Variants in GPC3 observed in about 807,000 individuals in gnomAD.
GPC3 encodes the protein glypican-3.
Under a neutral mutation model 34.4 loss-of-function variants are expected in GPC3, and 3 were observed. The ratio of observed to expected loss-of-function variants is 0.09; its 90% CI spans 0.04 to 0.23. The LOEUF (loss-of-function observed/expected upper bound fraction) is 0.23, where lower values mean the gene tolerates loss of function less well. Among genes scored for constraint, GPC3 ranks in the 10% least tolerant of loss-of-function variants. The pLI is 1.00. For missense variants in GPC3, 351 were observed against 445.6 expected, an observed-to-expected ratio of 0.79 and a Z score of 1.91; for synonymous variants, 177 against 174.0, an observed-to-expected ratio of 1.02 and a Z score of -0.13.
intron 3 of GPC3, among the ~76,000 whole-genome samples, chrX:133,730,046 C>T (rs1457549163): frequency 4.5e-5 from 5 of 111,866 alleles, no homozygotes; most frequent in Non-Finnish European, 9.4e-5. Context: ...CTCTGATTTC[C>T]ATTATAAAGA....
Position 133,748,351 on chromosome X carries a change from G to A in GPC3, c.1032+5131C>T, listed in dbSNP as rs375951182. On this transcript the variant is annotated intron_variant, in intron 3 of 7. Transcript: ENST00000370818. ...TTGCAGTTGCTTTAAGGTATAAGAT[G>A]TGGAATTCAATAATGCACTGATAAA... Among the ~76,000 whole-genome samples the A allele has an allele frequency of 1.9e-4, 21 of 112,199 alleles. 1 individual carries two copies. Among genetic ancestry groups the A allele is most frequent in the African/African-American group, 6.1e-4 (19 of 30,923 alleles).
Position 133,693,495 on chromosome X carries a change from A to T in GPC3, c.1167-1001T>A, listed in dbSNP as rs1029506050. On this transcript the variant is annotated intron_variant, in intron 4 of 7. Transcript: ENST00000370818. Reference sequence around the variant, plus strand: ...AAAATTAAAGCATCCTTCACATCCAAATGTACCTTATGTCTATACTAAGTT... The same window carrying T: ...AAAATTAAAGCATCCTTCACATCCATATGTACCTTATGTCTATACTAAGTT... Among the ~76,000 whole-genome samples the T allele has an allele frequency of 3.6e-5, 4 of 111,785 alleles. No individual in the cohort carries two copies. In the East Asian group the frequency reaches 8.4e-4, roughly 24 times the overall value.
chrX:133,867,790 G>A (rs1372027448), intron 2 of GPC3, among the ~76,000 whole-genome samples: 1 of 106,694 alleles, frequency 9.4e-6, no homozygotes, highest in Non-Finnish European at 1.9e-5. Flanking sequence ...AGCAGACGAG[G>A]AGATGAGCTG....
intron 2 of GPC3, among the ~76,000 whole-genome samples, chrX:133,903,994 G>A (rs2076157295): frequency 8.9e-6 from 1 of 112,081 alleles, no homozygotes; most frequent in African/African-American, 3.2e-5. Context: ...CTTCATCCAG[G>A]TAGTTGCTGA....
chrX:133,570,981 C>T (rs1039429995), intron 7 of GPC3, among the ~76,000 whole-genome samples: 1 of 111,589 alleles, frequency 9.0e-6, no homozygotes, highest in African/African-American at 3.3e-5. Context: ...TATTATCGCA[C>T]AGCTTTATAA....
At chrX:133,915,761 A>G (rs1363565203) in intron 2 of GPC3, among the ~76,000 whole-genome samples, 10 of 112,203 alleles carry the variant, frequency 8.9e-5, no homozygotes, top group Non-Finnish European at 1.9e-4. Context: ...TGAAATGCAT[A>G]TTCTGAACAT....
chrX:133,933,864 TTTTG>T (rs2076309820), intron 2 of GPC3, among the ~76,000 whole-genome samples: 2 of 107,695 alleles, frequency 1.9e-5, no homozygotes, highest in South Asian at 4.1e-4. Flanking sequence ...TTCTTTTTTT[TTTTG>T]TTTTTTTTTT....
chrX:133,655,295 T>G, intron 6 of GPC3, among the ~76,000 whole-genome samples: 2 of 111,735 alleles, frequency 1.8e-5, no homozygotes, highest in Middle Eastern at 4.6e-3. Flanking sequence ...AGAAGATTTT[T>G]TAATGATAAA....
intron 2 of GPC3, among the ~76,000 whole-genome samples, chrX:133,783,454 C>T (rs982500613): frequency 2.7e-5 from 3 of 112,102 alleles, no homozygotes; most frequent in Admixed American, 9.4e-5. Flanking sequence ...TTGATGTTGA[C>T]GCACATGATT....
intron 3 of GPC3, among the ~76,000 whole-genome samples, chrX:133,745,865 T>C (rs2071607294): frequency 8.9e-6 from 1 of 112,570 alleles, no homozygotes; most frequent in Admixed American, 9.4e-5. Context: ...TGACTACCCT[T>C]TGTTTCAGAC....
At chrX:133,919,346 A>G (rs2076237601) in intron 2 of GPC3, among the ~76,000 whole-genome samples, 2 of 112,283 alleles carry the variant, frequency 1.8e-5, no homozygotes, top group South Asian at 7.5e-4. Flanking sequence ...TAAAGTGTGT[A>G]TATGTAAATA....
At chrX:133,719,855 G>A (rs940469375) in intron 3 of GPC3, among the ~76,000 whole-genome samples, 1 of 110,803 alleles carries the variant, frequency 9.0e-6, no homozygotes, top group Non-Finnish European at 1.9e-5. Flanking sequence ...CAAGGAACTC[G>A]AATCAGAAAG....
intron 2 of GPC3, among the ~76,000 whole-genome samples, chrX:133,904,964 C>T (rs1220855284): frequency 1.8e-5 from 2 of 112,229 alleles, no homozygotes; most frequent in Admixed American, 9.4e-5. Flanking sequence ...GCCATTTGTA[C>T]ATGACCTTAT....
intron 7 of GPC3, among the ~76,000 whole-genome samples, chrX:133,552,343 T>C (rs2069442075): frequency 8.9e-6 from 1 of 112,250 alleles, no homozygotes; most frequent in Non-Finnish European, 1.9e-5. Context: ...GAGAGAAATC[T>C]AAAGAGACTG....
At chrX:133,769,384 G>A (rs1308601531) in intron 2 of GPC3, among the ~76,000 whole-genome samples, 1 of 112,159 alleles carries the variant, frequency 8.9e-6, no homozygotes, top group Non-Finnish European at 1.9e-5. Context: ...CTTATGTCAA[G>A]TGTTCTTATC....
At chrX:133,565,700 C>G (rs2069576082) in intron 7 of GPC3, among the ~76,000 whole-genome samples, 1 of 112,398 alleles carries the variant, frequency 8.9e-6, no homozygotes, top group Non-Finnish European at 1.9e-5. Context: ...TCCTCATGAA[C>G]AATGGTTAAA....
intron 2 of GPC3, among the ~76,000 whole-genome samples, chrX:133,917,425 C>A (rs1229082954): frequency 3.6e-5 from 4 of 112,191 alleles, no homozygotes; most frequent in Non-Finnish European, 7.5e-5. Flanking sequence ...CCTGCCAACT[C>A]TGTAACCATG....
At chrX:133,860,477 T>C (rs1255158955) in intron 2 of GPC3, among the ~76,000 whole-genome samples, 7 of 111,781 alleles carry the variant, frequency 6.3e-5, no homozygotes, top group Non-Finnish European at 1.3e-4. Context: ...TAAAAACTTG[T>C]TAACAGTTAG....
intron 6 of GPC3, among the ~76,000 whole-genome samples, chrX:133,617,370 G>A (rs1180638249): frequency 8.9e-6 from 1 of 112,441 alleles, no homozygotes; most frequent in East Asian, 2.8e-4. Context: ...TTGAAGCCCA[G>A]TCACTCTACA....
Sources: allele counts gnomAD v4.1 joint callset (sites outside exome capture counted in the v4.1 genomes callset), GRCh38; gene constraint gnomAD v4.1.1; transcripts MANE v1.5; gene names NCBI Gene and HGNC (gene_info 2026-07-23, HGNC 2026-07-21).